Variants in CEP128 observed in about 807,000 individuals in gnomAD.
CEP128 encodes the protein centrosomal protein 128, also known as centrosomal protein 128kDa.
A neutral mutation model predicts 156.7 loss-of-function variants in CEP128; 132 were observed. That is an observed-to-expected ratio of 0.84 (90% confidence interval 0.73 to 0.97). CEP128 has a LOEUF of 0.97. Among genes scored for constraint, CEP128 ranks in the 50% least tolerant of loss-of-function variants. The probability of loss-of-function intolerance (pLI) is 0.00; values close to 1 mark genes in which losing one functional copy is unlikely to be tolerated. For synonymous variants in CEP128, 469 were observed against 448.9 expected (o/e 1.04, Z -0.57); for missense variants, 1,252 against 1,281.9 (o/e 0.98, Z 0.36).
At chr14:80,587,442 A>C (rs892817044) in intron 19 of CEP128, among the ~76,000 whole-genome samples, 2 of 152,200 alleles carry the variant, frequency 1.3e-5, no homozygotes, top group African/African-American at 4.8e-5. Flanking sequence ...GTATGTGGTA[A>C]AACATCCAAA....
chr14:80,936,614 G>A (rs1191718855), intron 2 of CEP128, among the ~76,000 whole-genome samples: 1 of 152,032 alleles, frequency 6.6e-6, no homozygotes, highest in East Asian at 1.9e-4. Context: ...CCAGAAACAA[G>A]CTTTAAAAAC....
intron 8 of CEP128, among the ~76,000 whole-genome samples, chr14:80,892,265 G>T (rs573790606): frequency 6.6e-6 from 1 of 151,894 alleles, no homozygotes; most frequent in South Asian, 2.1e-4. Flanking sequence ...AAACAGATAT[G>T]GTCAACTAAT....
intron 19 of CEP128, among the ~76,000 whole-genome samples, chr14:80,698,903 C>A (rs1896976278): frequency 6.6e-6 from 1 of 152,094 alleles, no homozygotes; most frequent in Admixed American, 6.5e-5. Flanking sequence ...TCATTTCATT[C>A]CCATTCTAGA....
intron 19 of CEP128, among the ~76,000 whole-genome samples, chr14:80,583,756 C>A (rs1248991308): frequency 4.6e-5 from 7 of 152,170 alleles, no homozygotes; most frequent in African/African-American, 1.4e-4. Flanking sequence ...AATTCTTCCT[C>A]TATTCTTTTT....
intron 19 of CEP128, among the ~76,000 whole-genome samples, chr14:80,596,106 A>AAAAAAAGG (rs1566801148): frequency 1.3e-5 from 2 of 151,874 alleles, no homozygotes; most frequent in African/African-American, 4.8e-5. Flanking sequence ...ACATAGACAG[A>AAAAAAAGG]AAAAAAGGCA....
chr14:80,825,250 G>A (rs1021883323), intron 13 of CEP128, among the ~76,000 whole-genome samples: 3 of 152,172 alleles, frequency 2.0e-5, no homozygotes, highest in Non-Finnish European at 2.9e-5. Context: ...TGGTATTAGA[G>A]GCACATGCTA....
intron 8 of CEP128, among the ~76,000 whole-genome samples, chr14:80,864,443 G>C (rs978785231): frequency 1.3e-5 from 2 of 152,130 alleles, no homozygotes; most frequent in Non-Finnish European, 2.9e-5. Context: ...AATTAAAGCA[G>C]TCCAAGTAAC....
chr14:80,793,938 A>G (rs1163938077), intron 13 of CEP128, among the ~76,000 whole-genome samples: 2 of 152,224 alleles, frequency 1.3e-5, no homozygotes, highest in Non-Finnish European at 2.9e-5. Context: ...ACATTAAGCC[A>G]TTAAAGAATC....
chr14:80,802,962 A>G lies in CEP128; in HGVS notation c.1210-9852T>C, dbSNP rs540805152. Among the ~76,000 whole-genome samples, 180 of 152,358 alleles carry G rather than the reference A, an allele frequency of 1.2e-3. 3 individuals are homozygous for G. Among genetic ancestry groups the G allele is most frequent in the Admixed American group, 2.4e-3 (36 of 15,298 alleles). On this transcript the variant is annotated intron_variant, in intron 13 of 24. Transcript: ENST00000555265. ...ATCCAATGGAGCTGGCTTATCATACATAAGAACAAACTGTGGCATTTGAAA... is the reference window on the plus strand; with the variant it reads ...ATCCAATGGAGCTGGCTTATCATACGTAAGAACAAACTGTGGCATTTGAAA...
chr14:80,491,053 A>G (rs2140158841), intron 6 of CEP128, among the ~76,000 whole-genome samples: 1 of 152,350 alleles, frequency 6.6e-6, no homozygotes, highest in South Asian at 2.1e-4. Context: ...CATTGCTTTC[A>G]GGAATCGTTG....
At chr14:80,664,232 AGAAAAGAAAAGAAG>A (rs1566842530) in intron 19 of CEP128, among the ~76,000 whole-genome samples, 1 of 152,178 alleles carries the variant, frequency 6.6e-6, no homozygotes, top group Non-Finnish European at 1.5e-5. Context: ...GAGGGCCTCA[AGAAAAGAAAAGAAG>A]GCCTCAAGGC....
chr14:80,665,930 C>T (rs1428535355), intron 19 of CEP128, among the ~76,000 whole-genome samples: 11 of 152,008 alleles, frequency 7.2e-5, no homozygotes, highest in Non-Finnish European at 1.5e-5. Flanking sequence ...ACTTTCAAAG[C>T]AGATGGAATT....
At chr14:80,831,413 G>A in intron 12 of CEP128, 119 bp from the exon 13 acceptor site, 1 of 1,057,400 alleles carries the variant, frequency 9.5e-7, no homozygotes, top group Non-Finnish European at 1.3e-6. Context: ...TTTATTGACA[G>A]TTACTCAACA....
At chr14:80,859,795 T>A (rs1160486898) in intron 9 of CEP128, among the ~76,000 whole-genome samples, 1 of 152,116 alleles carries the variant, frequency 6.6e-6, no homozygotes, top group African/African-American at 2.4e-5. Context: ...TAAATGGGAA[T>A]AGGTAAAGCT....
At chr14:80,653,346 A>C (rs8006617) in intron 19 of CEP128, among the ~76,000 whole-genome samples, 85,740 of 151,840 alleles carry the variant, frequency 0.56, 24,652 homozygotes, top group Non-Finnish European at 0.59. Context: ...TAAAAAAAAA[A>C]GTTGGAAGGT....
intron 12 of CEP128, among the ~76,000 whole-genome samples, chr14:80,835,419 G>A (rs1053459384): frequency 3.3e-5 from 5 of 152,126 alleles, no homozygotes; most frequent in Non-Finnish European, 7.4e-5. Flanking sequence ...ATATGGAGGT[G>A]TATTTGGAAA....
chr14:80,846,908 A>G (rs1282024530), intron 9 of CEP128, among the ~76,000 whole-genome samples: 1 of 152,188 alleles, frequency 6.6e-6, no homozygotes, highest in East Asian at 1.9e-4. Context: ...ATCATTATTC[A>G]ATACTAGGCC....
Position 80,663,718 on chromosome 14 carries a change from C to T in CEP128, c.2806+79357G>A, listed in dbSNP as rs116835058. On this transcript the variant is annotated intron_variant, in intron 19 of 24. Transcript: ENST00000555265. Reference sequence around the variant, plus strand: ...ATGAGGTTGGCATCGTTTCCCTAACCCCCCTACAAGGGAGGAAGCTGAGGC... The same window carrying T: ...ATGAGGTTGGCATCGTTTCCCTAACTCCCCTACAAGGGAGGAAGCTGAGGC... Among the ~76,000 whole-genome samples, 199 of 152,278 alleles carry T rather than the reference C, an allele frequency of 1.3e-3. 2 individuals carry two copies. Among genetic ancestry groups the T allele is most frequent in the African/African-American group, 4.5e-3 (189 of 41,562 alleles).
In CEP128 at chr14:80,832,948, T is replaced by A. The variant is rs937869880; in HGVS notation, c.1058-1654A>T. ...TATCTTAGCTATATGATTTCTGTCA[T>A]AACTACTCAATTCAACCACTGTATT... On this transcript the variant is annotated intron_variant, in intron 12 of 24. Transcript: ENST00000555265. Among the ~76,000 whole-genome samples, 4 of 152,172 alleles carry A rather than the reference T, an allele frequency of 2.6e-5. No individual in the cohort carries two copies. The East Asian group carries it at 7.7e-4, about 29-fold the overall frequency.
Sources: gnomAD v4.1 joint callset for allele counts (sites outside exome capture counted in the v4.1 genomes callset) on GRCh38, gnomAD v4.1.1 for gene constraint, MANE v1.5 for transcripts, NCBI Gene and HGNC (gene_info 2026-07-23, HGNC 2026-07-21) for gene names.